Variants in BATF observed in about 807,000 individuals in gnomAD.
BATF encodes basic leucine zipper transcriptional factor ATF-like.
In BATF, 5 loss-of-function variants were observed where a neutral mutation model predicts 13.7. The observed-to-expected ratio is 0.36, with a 90% CI of 0.19 to 0.77. The LOEUF is 0.77. Among genes scored for constraint, BATF ranks in the 30% least tolerant of loss-of-function variants. The pLI, the probability that BATF is intolerant of heterozygous loss-of-function variation, is 0.51. For synonymous variants in BATF, 72 were observed against 67.5 expected, an observed-to-expected ratio of 1.07 and a Z score of -0.33; for missense variants, 124 against 163.0, an observed-to-expected ratio of 0.76 and a Z score of 1.30.
In BATF at chr14:75,544,792, AT is replaced by A. The variant is rs55834315; in HGVS notation, c.169-1648del. On this transcript the variant is annotated intron_variant, in intron 2 of 2. Coordinates refer to ENST00000286639, the MANE Select transcript of BATF (RefSeq NM_006399.5). ...ATATCAGGTTGCCTTTTGAACTGAAATTTTTTTTTTTTTTTTTTTTTTGCAT... is the reference window on the plus strand; with the variant it reads ...ATATCAGGTTGCCTTTTGAACTGAAATTTTTTTTTTTTTTTTTTTTTGCAT... Among the ~76,000 whole-genome samples the A allele has an allele frequency of 9.5e-4, 127 of 134,208 alleles. No homozygotes were observed. The East Asian group carries it at 0.018, about 19-fold the overall frequency. The allele number at this position is 134,208 out of a possible 152,430, so 88.0% of individuals were successfully genotyped here.
At chr14:75,523,148 A>G (rs982371346) in intron 1 of BATF, among the ~76,000 whole-genome samples, 1 of 151,730 alleles carries the variant, frequency 6.6e-6, no homozygotes, top group Admixed American at 6.6e-5. Context: ...CAAATCCTAG[A>G]TATGCAGTTT....
Position 75,546,780 on chromosome 14 carries a change from C to T in BATF, c.*109C>T, listed in dbSNP as rs1887994539. ...CACCTGGAGACCCGGAGACAGAGGC[C>T]TGGACAAGGAGTGAACACGGGAACT... On this transcript the variant is annotated 3_prime_UTR_variant, in exon 3 of 3. Transcript: ENST00000286639. 1.5e-6 allele frequency: 2 copies of T among 1,342,012 alleles called. No homozygotes were observed. Among genetic ancestry groups the T allele is most frequent in the Non-Finnish European group, 2.0e-6 (2 of 986,256 alleles). 83.1% of individuals were successfully genotyped at this position (1,342,012 alleles called of 1,614,324 possible).
chr14:75,546,015 C>T (rs1321682415), intron 2 of BATF, among the ~76,000 whole-genome samples: 6 of 152,018 alleles, frequency 3.9e-5, no homozygotes, highest in African/African-American at 1.2e-4. Context: ...CACTGCCACA[C>T]CCAGCTAATT....
Position 75,532,871 on chromosome 14 carries a change from G to A in BATF, c.168+7683G>A, listed in dbSNP as rs761104635. Among the ~76,000 whole-genome samples the A allele has an allele frequency of 9.2e-5, 14 of 152,172 alleles. 1 individual carries two copies. Among genetic ancestry groups the A allele is most frequent in the Admixed American group, 7.2e-4 (11 of 15,280 alleles). ...AAATTTGTGGGTTTTGGGCATGGTC[G>A]CATGCATAAAGAGATATCCGGAAGG... On this transcript the variant is annotated intron_variant, in intron 2 of 2. Transcript: ENST00000286639.
chr14:75,527,744 AC>A (rs1887674549), intron 2 of BATF, among the ~76,000 whole-genome samples: 1 of 152,012 alleles, frequency 6.6e-6, no homozygotes, highest in African/African-American at 2.4e-5. Flanking sequence ...CCATAGCCAC[AC>A]CCCAGCCTCA....
intron 2 of BATF, among the ~76,000 whole-genome samples, chr14:75,531,555 G>A (rs755414636): frequency 2.0e-5 from 3 of 152,166 alleles, no homozygotes; most frequent in Non-Finnish European, 1.5e-5. Flanking sequence ...GATGGAAGTG[G>A]GCCAGGTGCT....
Position 75,546,829 on chromosome 14 carries a change from C to A in BATF, c.*158C>A. 9.5e-7 allele frequency: 1 copy of A among 1,048,134 alleles called. No individual in the cohort carries two copies. Among genetic ancestry groups the A allele is most frequent in the Non-Finnish European group, 1.4e-6 (1 of 704,314 alleles). 64.9% of individuals were successfully genotyped at this position (1,048,134 alleles called of 1,614,324 possible). Reference sequence around the variant, plus strand: ...CTGTCACGACTGGAAGGGCGTGAGGCCTCCCAGCAGTGCCGCAGCGTTTCG... The same window carrying A: ...CTGTCACGACTGGAAGGGCGTGAGGACTCCCAGCAGTGCCGCAGCGTTTCG... On this transcript the variant is annotated 3_prime_UTR_variant, in exon 3 of 3. Coordinates refer to ENST00000286639, the MANE Select transcript of BATF (RefSeq NM_006399.5).
At chr14:75,543,157 C>T (rs1467506922) in intron 2 of BATF, among the ~76,000 whole-genome samples, 6 of 152,182 alleles carry the variant, frequency 3.9e-5, no homozygotes, top group East Asian at 1.9e-4. Flanking sequence ...TCTTACCTTT[C>T]GGTAAAGAGG....
Position 75,525,002 on chromosome 14 carries a change from G to A in BATF, c.64-82G>A, listed in dbSNP as rs1389187182. 2.1e-5 allele frequency: 25 copies of A among 1,199,824 alleles called. No individual in the cohort carries two copies. The East Asian group carries it at 2.5e-4, about 12-fold the overall frequency. The allele number at this position is 1,199,824 out of a possible 1,614,324, so 74.3% of individuals were successfully genotyped here. A position where few individuals can be genotyped will look rare whatever the true frequency, so the allele number is the denominator to read the frequency against. ...CGAAGGCATGGAAGGATGGCTGGAC[G>A]GATACCACACACCACCAGAGCCTGC... On this transcript the variant is annotated intron_variant, in intron 1 of 2. Transcript: ENST00000286639.
intron 2 of BATF, among the ~76,000 whole-genome samples, chr14:75,530,075 A>AG (rs913938175): frequency 6.6e-6 from 1 of 151,828 alleles, no homozygotes; most frequent in African/African-American, 2.4e-5. Flanking sequence ...AAAAAAAAAA[A>AG]AAAAGTAAAG....
At chr14:75,536,699 G>A (rs1595006565) in intron 2 of BATF, among the ~76,000 whole-genome samples, 1 of 106,572 alleles carries the variant, frequency 9.4e-6, no homozygotes, top group East Asian at 2.4e-4. Context: ...CTCCAGCCTG[G>A]GCAACAGGGC....
chr14:75,540,034 A>G (rs7147148), intron 2 of BATF, among the ~76,000 whole-genome samples: 13,462 of 152,190 alleles, frequency 0.088, 719 homozygotes, highest in Non-Finnish European at 0.13. Context: ...CTGCCAATAC[A>G]TGATTACATG....
At chr14:75,542,055 C>T (rs1446178498) in intron 2 of BATF, among the ~76,000 whole-genome samples, 1 of 152,166 alleles carries the variant, frequency 6.6e-6, no homozygotes, top group Non-Finnish European at 1.5e-5. Flanking sequence ...CACAGGGCCC[C>T]GAGCCAAGCC....
Position 75,546,768 on chromosome 14 carries a change from G to C in BATF, c.*97G>C. The C allele has an allele frequency of 7.3e-7, 1 of 1,376,274 alleles. No homozygotes were observed. The highest frequency in any genetic ancestry group is 9.8e-7 in the Non-Finnish European group (1 of 1,019,702). The allele number at this position is 1,376,274 out of a possible 1,614,324, so 85.3% of individuals were successfully genotyped here. A position where few individuals can be genotyped will look rare whatever the true frequency, so the allele number is the denominator to read the frequency against. ...GAGGCCCCTGTCCACCTGGAGACCC[G>C]GAGACAGAGGCCTGGACAAGGAGTG... On this transcript the variant is annotated 3_prime_UTR_variant, in exon 3 of 3. Transcript: ENST00000286639.
chr14:75,546,476 G>A lies in BATF; in HGVS notation c.183G>A (p.Leu61=), dbSNP rs759712089. The part of the protein sequence containing the change: ...ADTLHLESED[L]EKQNAALRKE... Reference sequence around the variant, plus strand: ...CACCCCTACAGGAGAGCGAAGACCTGGAGAAACAGAACGCGGCTCTACGCA... The same window carrying A: ...CACCCCTACAGGAGAGCGAAGACCTAGAGAAACAGAACGCGGCTCTACGCA... Residue 61 remains leucine (L), a synonymous_variant, in exon 3 of 3, where the codon CTG becomes CTA. Transcript: ENST00000286639. 12 of 1,614,150 alleles carry A rather than the reference G, an allele frequency of 7.4e-6. No individual in the cohort carries two copies. The South Asian group carries it at 1.2e-4, about 16-fold the overall frequency.
intron 2 of BATF, among the ~76,000 whole-genome samples, chr14:75,536,909 A>C (rs920250288): frequency 6.6e-6 from 1 of 152,120 alleles, no homozygotes; most frequent in Non-Finnish European, 1.5e-5. Context: ...TTGACCGTTT[A>C]ATTGAGAGGG....
chr14:75,529,839 C>A (rs993612218), intron 2 of BATF, among the ~76,000 whole-genome samples: 5 of 152,010 alleles, frequency 3.3e-5, no homozygotes, highest in African/African-American at 9.7e-5. Context: ...CCGAGGCGGG[C>A]GGATCACGAG....
rs893119960 is a variant in BATF at position 75,546,491 on chromosome 14, G to A, written c.198G>A (p.Ala66=). 4 of 1,614,146 alleles carry A rather than the reference G, an allele frequency of 2.5e-6. No homozygotes were observed. Among genetic ancestry groups the A allele is most frequent in the African/African-American group, 1.3e-5 (1 of 75,040 alleles). The part of the protein sequence containing the change: ...LESEDLEKQN[A]ALRKEIKQLT... ...GCGAAGACCTGGAGAAACAGAACGC[G>A]GCTCTACGCAAGGAGATCAAGCAGC... The change falls in exon 3 of 3, where the codon GCG becomes GCA. Residue 66 remains alanine (A), a synonymous_variant. Transcript: ENST00000286639.
chr14:75,526,360 A>G (rs1887654770), intron 2 of BATF, among the ~76,000 whole-genome samples: 1 of 152,022 alleles, frequency 6.6e-6, no homozygotes, highest in Non-Finnish European at 1.5e-5. Flanking sequence ...ACATTCCCTT[A>G]CCTCTAATAG....
Sources: gnomAD v4.1 joint callset for allele counts (sites outside exome capture counted in the v4.1 genomes callset) on GRCh38, gnomAD v4.1.1 for gene constraint, MANE v1.5 for transcripts, NCBI Gene and HGNC (gene_info 2026-07-23, HGNC 2026-07-21) for gene names.